Variants in PAH observed in about 807,000 individuals in gnomAD.
PAH encodes the protein phenylalanine-4-hydroxylase.
PAH carries 64 observed loss-of-function variants against 62.0 expected under a neutral mutation model. The ratio of observed to expected loss-of-function variants is 1.03; its 90% CI spans 0.84 to 1.27. PAH has a LOEUF of 1.27. Ranked by LOEUF, PAH falls within the 50% of genes most tolerant of loss-of-function variation. The pLI, the probability that PAH is intolerant of heterozygous loss-of-function variation, is 0.00. For missense variants in PAH, 579 were observed against 542.8 expected, an observed-to-expected ratio of 1.07 and a Z score of -0.66; for synonymous variants, 195 against 196.2, an observed-to-expected ratio of 0.99 and a Z score of 0.05.
At chr12:102,943,287 A>G (rs73377904) in intron 1 of PAH, among the ~76,000 whole-genome samples, 18,269 of 152,186 alleles carry the variant, frequency 0.12, 1,275 homozygotes, top group African/African-American at 0.18. Flanking sequence ...TCAAGAGAAG[A>G]CATACACACA....
intron 5 of PAH, among the ~76,000 whole-genome samples, chr12:102,862,837 A>C (rs1206588858): frequency 6.6e-6 from 1 of 152,090 alleles, no homozygotes; most frequent in Admixed American, 6.6e-5. Context: ...AGTCTTTGTT[A>C]TTGTCTACAG....
At position 102,851,718 on chromosome 12, in the gene PAH, AACAAGGGC is replaced by A. The variant is rs1875158272; in HGVS notation, c.873_880del (p.Pro292PhefsTer21). Reference sequence around the variant, plus strand: ...AAACTGGGCAAAGCTGCGATCTGAAAACAAGGGCACATGTCCCAACAGCTCATGGCAGA... The same window carrying A: ...AAACTGGGCAAAGCTGCGATCTGAAAACATGTCCCAACAGCTCATGGCAGA... On this transcript the variant is annotated frameshift_variant, in exon 8 of 13. Transcript: ENST00000553106. LOFTEE classifies it high-confidence loss of function. 2 of 1,614,134 alleles carry A rather than the reference AACAAGGGC, an allele frequency of 1.2e-6. No homozygotes were observed. Among genetic ancestry groups the A allele is most frequent in the Non-Finnish European group, 8.5e-7 (1 of 1,179,984 alleles).
At chr12:102,875,815 A>G (rs1375371556) in intron 4 of PAH, among the ~76,000 whole-genome samples, 2 of 152,206 alleles carry the variant, frequency 1.3e-5, no homozygotes, top group Non-Finnish European at 2.9e-5. Flanking sequence ...GTGAAAATAC[A>G]TAGGTGAGAC....
At chr12:102,929,310 A>G (rs918677272) in intron 1 of PAH, among the ~76,000 whole-genome samples, 1 of 152,196 alleles carries the variant, frequency 6.6e-6, no homozygotes, top group Non-Finnish European at 1.5e-5. Context: ...GTCATGAAGG[A>G]GATGTACATA....
chr12:102,947,201 CTGTG>C (rs1300313188), intron 1 of PAH, among the ~76,000 whole-genome samples: 1 of 151,256 alleles, frequency 6.6e-6, no homozygotes, highest in Non-Finnish European at 1.5e-5. Context: ...GTGTGTGTGT[CTGTG>C]TGTGTGTATA....
chr12:102,884,769 G>A (rs1876961238), intron 3 of PAH, among the ~76,000 whole-genome samples: 1 of 152,140 alleles, frequency 6.6e-6, no homozygotes, highest in South Asian at 2.1e-4. Context: ...GGGCTCTTCT[G>A]ATTTTTCCCA....
chr12:102,852,851 A>T lies in PAH; in HGVS notation c.806T>A (p.Ile269Asn), dbSNP rs199475644. 1 of 1,613,964 alleles carries T rather than the reference A, an allele frequency of 6.2e-7. No homozygotes were observed. The highest frequency in any genetic ancestry group is 8.5e-7 in the Non-Finnish European group (1 of 1,179,930). Residue 269 changes from isoleucine to asparagine, a missense_variant, in exon 7 of 13, where the codon ATC (isoleucine) becomes AAC (asparagine). Coordinates refer to ENST00000553106, the MANE Select transcript of PAH (RefSeq NM_000277.3). ...AFRVFHCTQYIRHGSKPMYTP... is the reference protein window; with the variant it reads ...AFRVFHCTQYNRHGSKPMYTP... ...ATACATGGGCTTGGATCCATGTCTGATGTACTGTGTGCAGTGGAAGACTCG... is the reference window on the plus strand; with the variant it reads ...ATACATGGGCTTGGATCCATGTCTGTTGTACTGTGTGCAGTGGAAGACTCG...
intron 11 of PAH, 99 bp from the exon 12 acceptor site, chr12:102,840,614 G>A (rs750796905): frequency 1.2e-4 from 99 of 829,306 alleles, no homozygotes; most frequent in South Asian, 1.1e-3. Context: ...TTAGGAACAC[G>A]GACACCTCCC....
chr12:102,870,363 C>T (rs1876253966), intron 4 of PAH, among the ~76,000 whole-genome samples: 1 of 152,142 alleles, frequency 6.6e-6, no homozygotes, highest in African/African-American at 2.4e-5. Context: ...CTGGGAGTGG[C>T]CAGTTTATCT....
intron 3 of PAH, among the ~76,000 whole-genome samples, chr12:102,881,948 C>T (rs546975793): frequency 9.9e-5 from 15 of 152,166 alleles, no homozygotes; most frequent in South Asian, 2.1e-4. Flanking sequence ...CTTTGACATA[C>T]TGATTTCATT....
At chr12:102,889,103 T>C (rs1877159439) in intron 3 of PAH, among the ~76,000 whole-genome samples, 1 of 152,184 alleles carries the variant, frequency 6.6e-6, no homozygotes, top group Admixed American at 6.5e-5. Context: ...CTAAAAATTC[T>C]TAACTCTTTG....
At chr12:102,869,482 C>T (rs114469904) in intron 4 of PAH, among the ~76,000 whole-genome samples, 2,674 of 152,146 alleles carry the variant, frequency 0.018, 83 homozygotes, top group African/African-American at 0.059. Context: ...AATGTGAGAA[C>T]GGGTTTCTTT....
At chr12:102,938,834 C>G (rs1879191811) in intron 1 of PAH, among the ~76,000 whole-genome samples, 1 of 152,140 alleles carries the variant, frequency 6.6e-6, no homozygotes, top group Non-Finnish European at 1.5e-5. Context: ...GGTCCTTGCC[C>G]CTGCTACACT....
rs1156779506 is a variant in PAH, at chr12:102,864,251, TGAG to T, written c.509+2342_509+2344del. On this transcript the variant is annotated intron_variant, in intron 5 of 12. Transcript: ENST00000553106. ...AGAAGGTGACATCTAAATGAAAACC[TGAG>T]GAGATGAGGCCTCGGTGCTTCACTC... Among the ~76,000 whole-genome samples, 25 of 152,170 alleles carry T rather than the reference TGAG, an allele frequency of 1.6e-4. 1 individual carries two copies. Among genetic ancestry groups the T allele is most frequent in the Admixed American group, 1.6e-3 (25 of 15,264 alleles).
At chr12:102,934,044 A>G (rs1048243427) in intron 1 of PAH, among the ~76,000 whole-genome samples, 3 of 152,104 alleles carry the variant, frequency 2.0e-5, no homozygotes, top group East Asian at 1.9e-4. Context: ...AGTTTCCCCA[A>G]TGTTTTCTTT....
intron 2 of PAH, among the ~76,000 whole-genome samples, chr12:102,897,004 A>G (rs1451862636): frequency 6.6e-6 from 1 of 152,200 alleles, no homozygotes; most frequent in Non-Finnish European, 1.5e-5. Context: ...AGTGATGGGT[A>G]TGTTGCTTCT....
chr12:102,926,152 A>G (rs995138683), intron 1 of PAH, among the ~76,000 whole-genome samples: 1 of 152,142 alleles, frequency 6.6e-6, no homozygotes, highest in African/African-American at 2.4e-5. Flanking sequence ...AAAAGGCAAG[A>G]TAAACTCAGT....
At chr12:102,936,658 T>C (rs1400887762) in intron 1 of PAH, among the ~76,000 whole-genome samples, 1 of 152,224 alleles carries the variant, frequency 6.6e-6, no homozygotes, top group African/African-American at 2.4e-5. Context: ...CTTTAAATAG[T>C]TTCTATCTGG....
chr12:102,945,548 C>T (rs1233786747), intron 1 of PAH, among the ~76,000 whole-genome samples: 1 of 152,136 alleles, frequency 6.6e-6, no homozygotes, highest in Non-Finnish European at 1.5e-5. Context: ...CCCCTTTCCA[C>T]AAACAGAGGG....
Sources: allele counts gnomAD v4.1 joint callset (sites outside exome capture counted in the v4.1 genomes callset), GRCh38; gene constraint gnomAD v4.1.1; transcripts MANE v1.5; gene names NCBI Gene and HGNC (gene_info 2026-07-23, HGNC 2026-07-21).